Variants in SEC14L1 observed in about 807,000 individuals in gnomAD.
The protein encoded by SEC14L1 is SEC14-like protein 1.
SEC14L1 carries 48 observed loss-of-function variants against 85.3 expected under a neutral mutation model. That is an observed-to-expected ratio of 0.56 (90% CI 0.45 to 0.72). The LOEUF (loss-of-function observed/expected upper bound fraction) is 0.72. Ranked by LOEUF, SEC14L1 falls within the 30% of genes least tolerant of loss-of-function variation. SEC14L1 has a pLI of 0.00. For synonymous variants in SEC14L1, 391 were observed against 355.5 expected, an observed-to-expected ratio of 1.10 and a Z score of -1.12; for missense variants, 682 against 921.4, an observed-to-expected ratio of 0.74 and a Z score of 3.36.
chr17:77,187,370 G>GC (rs111758486), intron 3 of SEC14L1, among the ~76,000 whole-genome samples: 3,134 of 148,008 alleles, frequency 0.021, 52 homozygotes, highest in African/African-American at 0.046. Context: ...ACTACCCTAT[G>GC]CCCCCCCCCC....
chr17:77,185,233 G>A (rs1451589770), intron 3 of SEC14L1: 11 of 985,492 alleles, frequency 1.1e-5, no homozygotes, highest in Non-Finnish European at 1.3e-5. Flanking sequence ...GTGGCAGAGT[G>A]ACAGGCTTGG....
chr17:77,141,023 A>G lies in SEC14L1; in HGVS notation c.-220A>G, dbSNP rs1287275071. The stretch of plus-strand genomic sequence containing the variant: ...GGCGGTCGAGCTACGGTCGCGGAGC[A>G]GTGGAACCGAGACTGCCCCGCGGAG... On this transcript the variant is annotated 5_prime_UTR_variant, in exon 1 of 17. Coordinates refer to ENST00000436233, the MANE Select transcript of SEC14L1 (RefSeq NM_001143998.2). 2 of 144,072 alleles carry G rather than the reference A, an allele frequency of 1.4e-5. No homozygotes were observed. The highest frequency in any genetic ancestry group is 3.0e-5 in the Non-Finnish European group (2 of 66,320). The allele number at this position is 144,072 out of a possible 1,614,324, so 8.9% of individuals were successfully genotyped here.
In SEC14L1 at chr17:77,216,547, A is replaced by G; in HGVS notation, c.*2524A>G. 6.2e-7 allele frequency: 1 copy of G among 1,613,310 alleles called. No homozygotes were observed. Among genetic ancestry groups the G allele is most frequent in the Non-Finnish European group, 8.5e-7 (1 of 1,179,446 alleles). On this transcript the variant is annotated 3_prime_UTR_variant, in exon 17 of 17. Transcript: ENST00000436233. ...TTCTCTTTCTCTTTCTCTGTGTCTC[A>G]GATGGCGATTTTGCTGACAGCTGCC...
intron 3 of SEC14L1, among the ~76,000 whole-genome samples, chr17:77,135,903 C>T (rs576223075): frequency 7.7e-4 from 117 of 151,496 alleles, no homozygotes; most frequent in African/African-American, 2.6e-3. Context: ...AACAGAGTTT[C>T]GCTCTGTCAC....
intron 14 of SEC14L1, chr17:77,211,571 C>T (rs987205025): frequency 3.7e-5 from 7 of 188,612 alleles, no homozygotes; most frequent in African/African-American, 1.7e-4. Context: ...CTTTCTTTAG[C>T]TTTCACCTTC....
intron 2 of SEC14L1, among the ~76,000 whole-genome samples, chr17:77,092,691 G>A (rs1282969595): frequency 3.3e-5 from 5 of 152,136 alleles, no homozygotes; most frequent in Admixed American, 6.6e-5. Context: ...GCTCACACCT[G>A]TAATCCCAGC....
rs1480865114 is a variant in SEC14L1, at chr17:77,160,285, TTC to T, written c.63+16630_63+16631del. ...AAATGCTTTTCTGAAGTCCACAAATTTCTCTTTTACACTCTGGAAAGTAAAAC... is the reference window on the plus strand; with the variant it reads ...AAATGCTTTTCTGAAGTCCACAAATTTCTTTTACACTCTGGAAAGTAAAAC... On this transcript the variant is annotated intron_variant, in intron 3 of 16. Coordinates refer to ENST00000436233, the MANE Select transcript of SEC14L1 (RefSeq NM_001143998.2). Among the ~76,000 whole-genome samples the T allele has an allele frequency of 2.0e-5, 3 of 152,364 alleles. No homozygotes were observed. The East Asian group carries it at 5.8e-4, about 29-fold the overall frequency.
intron 2 of SEC14L1, among the ~76,000 whole-genome samples, chr17:77,091,837 G>T (rs1376716708): frequency 6.6e-6 from 1 of 151,280 alleles, no homozygotes; most frequent in African/African-American, 2.4e-5. Flanking sequence ...TTTTGAGAAG[G>T]AGTCTTATTC....
chr17:77,131,903 G>A (rs1050915684), intron 3 of SEC14L1, among the ~76,000 whole-genome samples: 1 of 152,306 alleles, frequency 6.6e-6, no homozygotes, highest in East Asian at 1.9e-4. Flanking sequence ...TAGGGAGTTT[G>A]CCTCTCCAGA....
chr17:77,133,756 T>G (rs575550032), intron 3 of SEC14L1, among the ~76,000 whole-genome samples: 11 of 151,966 alleles, frequency 7.2e-5, no homozygotes, highest in Middle Eastern at 3.4e-3. Context: ...CTGGCCAAGA[T>G]GGAGAAACCC....
chr17:77,192,795 G>T (rs537307759), intron 5 of SEC14L1, among the ~76,000 whole-genome samples: 3 of 152,136 alleles, frequency 2.0e-5, no homozygotes. Flanking sequence ...CAAGTAGCTG[G>T]GACTATAGGC....
chr17:77,192,654 A>G (rs1316183298), intron 5 of SEC14L1, among the ~76,000 whole-genome samples: 3 of 141,812 alleles, frequency 2.1e-5, no homozygotes, highest in African/African-American at 5.3e-5. Context: ...TGACTCCCCA[A>G]CCCCCAGGCT....
At chr17:77,188,572 C>T (rs1239918437) in intron 3 of SEC14L1, among the ~76,000 whole-genome samples, 1 of 152,026 alleles carries the variant, frequency 6.6e-6, no homozygotes, top group Non-Finnish European at 1.5e-5. Flanking sequence ...GAGTTGTTTC[C>T]AGTTTCTATT....
intron 3 of SEC14L1, among the ~76,000 whole-genome samples, chr17:77,111,560 G>C (rs1465085716): frequency 1.3e-5 from 2 of 152,132 alleles, no homozygotes; most frequent in African/African-American, 4.8e-5. Context: ...GGCCATGGGA[G>C]CCCACCTCTT....
At chr17:77,184,557 G>A (rs1411530927) in intron 3 of SEC14L1, among the ~76,000 whole-genome samples, 1 of 152,084 alleles carries the variant, frequency 6.6e-6, no homozygotes, top group Non-Finnish European at 1.5e-5. Flanking sequence ...GGTGAGTGGA[G>A]CCCCTTCAGG....
At chr17:77,184,135 G>A (rs1435476869) in intron 3 of SEC14L1, among the ~76,000 whole-genome samples, 5 of 152,238 alleles carry the variant, frequency 3.3e-5, no homozygotes, top group East Asian at 1.9e-4. Context: ...CCTGAGGGCC[G>A]CAGAAGCCTG....
intron 2 of SEC14L1, among the ~76,000 whole-genome samples, chr17:77,092,579 G>A (rs1319837917): frequency 6.6e-6 from 1 of 152,170 alleles, no homozygotes; most frequent in Non-Finnish European, 1.5e-5. Context: ...GCCCTTGAAT[G>A]TCAAAGTTCA....
upstream of SEC14L1, among the ~76,000 whole-genome samples, chr17:77,138,527 GGA>G (rs1350576729): frequency 6.6e-6 from 1 of 152,178 alleles, no homozygotes; most frequent in East Asian, 1.9e-4. Context: ...CAGGAGGGCA[GGA>G]GAATCACTTG....
At chr17:77,202,775 C>T (rs1417339083) in intron 9 of SEC14L1, among the ~76,000 whole-genome samples, 4 of 152,072 alleles carry the variant, frequency 2.6e-5, no homozygotes, top group Middle Eastern at 3.4e-3. Flanking sequence ...AAAAAATTAG[C>T]CGGGCATGGC....
Sources: gnomAD v4.1 joint callset for allele counts (sites outside exome capture counted in the v4.1 genomes callset) on GRCh38, gnomAD v4.1.1 for gene constraint, MANE v1.5 for transcripts, NCBI Gene and HGNC (gene_info 2026-07-23, HGNC 2026-07-21) for gene names.